Variants in UBE2L3 observed in about 807,000 individuals in gnomAD.
UBE2L3 encodes the protein ubiquitin conjugating enzyme E2 L3.
UBE2L3 carries 1 observed loss-of-function variant against 17.8 expected under a neutral mutation model. The observed-to-expected ratio is 0.06, with a 90% CI of 0.02 to 0.27. The LOEUF (loss-of-function observed/expected upper bound fraction) is 0.27, where lower values mean the gene tolerates loss of function less well. Ranked by LOEUF, UBE2L3 falls within the 10% of genes least tolerant of loss-of-function variation. The probability of loss-of-function intolerance (pLI) is 1.00; values close to 1 mark genes in which losing one functional copy is unlikely to be tolerated. For synonymous variants in UBE2L3, 44 were observed against 68.5 expected (o/e 0.64, Z 1.76); for missense variants, 40 against 192.6 (o/e 0.21, Z 4.69).
At chr22:21,605,530 A>G (rs980166068) in intron 2 of UBE2L3, among the ~76,000 whole-genome samples, 3 of 150,460 alleles carry the variant, frequency 2.0e-5, no homozygotes, top group African/African-American at 7.4e-5. Context: ...TTTGAGATGG[A>G]TTTTCACTTT....
intron 1 of UBE2L3, among the ~76,000 whole-genome samples, chr22:21,576,619 A>G (rs928802918): frequency 2.0e-5 from 3 of 151,436 alleles, no homozygotes; most frequent in African/African-American, 7.3e-5. Context: ...TATTTTTAGT[A>G]GAGCTGGGGT....
intron 2 of UBE2L3, among the ~76,000 whole-genome samples, chr22:21,608,195 A>G (rs114363119): frequency 0.014 from 2,133 of 152,296 alleles, 43 homozygotes; most frequent in African/African-American, 0.049. Flanking sequence ...TGGGAATGCA[A>G]AATGGTGCAG....
chr22:21,595,623 A>G (rs1206890026), intron 2 of UBE2L3, among the ~76,000 whole-genome samples: 5 of 152,216 alleles, frequency 3.3e-5, no homozygotes, highest in African/African-American at 1.2e-4. Context: ...CATTGTTGCC[A>G]ACGCAACTCT....
chr22:21,563,416 G>A (rs1926519214), upstream of UBE2L3, among the ~76,000 whole-genome samples: 1 of 144,306 alleles, frequency 6.9e-6, no homozygotes, highest in Non-Finnish European at 1.5e-5. Context: ...AAAAAAATTA[G>A]CCAGGCGTGG....
chr22:21,594,136 TC>T (rs1257302314), intron 2 of UBE2L3, among the ~76,000 whole-genome samples: 6 of 152,232 alleles, frequency 3.9e-5, no homozygotes, highest in African/African-American at 1.4e-4. Flanking sequence ...CCTTCTCTGT[TC>T]CTTTTCATTC....
chr22:21,594,499 G>T lies in UBE2L3; in HGVS notation c.123+1543G>T, dbSNP rs373783545. 7.9e-5 allele frequency among the ~76,000 whole-genome samples: 12 copies of T among 152,076 alleles called. No homozygotes were observed. In the East Asian group the frequency reaches 1.5e-3, roughly 20 times the overall value. ...TGTAGATGCTTTCTTCTTGATGCTGGTTATAAGGTCATGCTTTTTTTTTTT... is the reference window on the plus strand; with the variant it reads ...TGTAGATGCTTTCTTCTTGATGCTGTTTATAAGGTCATGCTTTTTTTTTTT... On this transcript the variant is annotated intron_variant, in intron 2 of 3. Coordinates refer to ENST00000342192, the MANE Select transcript of UBE2L3 (RefSeq NM_003347.4).
intron 1 of UBE2L3, among the ~76,000 whole-genome samples, chr22:21,592,124 C>T (rs1928296848): frequency 6.6e-6 from 1 of 152,214 alleles, no homozygotes; most frequent in African/African-American, 2.4e-5. Flanking sequence ...GCACTTGCTG[C>T]ATTGACTGTT....
upstream of UBE2L3, among the ~76,000 whole-genome samples, chr22:21,563,376 C>T (rs933686716): frequency 8.7e-5 from 13 of 148,576 alleles, no homozygotes; most frequent in African/African-American, 3.2e-4. Flanking sequence ...ACAGTGAAAC[C>T]CCATCTCTAC....
intron 3 of UBE2L3, among the ~76,000 whole-genome samples, chr22:21,618,192 A>T (rs373625854): frequency 2.8e-5 from 4 of 144,388 alleles, no homozygotes; most frequent in Admixed American, 2.1e-4. Context: ...ATTAAAAAAA[A>T]AATTCAGACT....
chr22:21,552,666 GC>G lies in UBE2L3; in HGVS notation c.201+3018del. 7.3e-5 allele frequency among the ~76,000 whole-genome samples: 3 copies of G among 41,214 alleles called. No individual in the cohort carries two copies. The South Asian group carries it at 2.2e-3, about 30-fold the overall frequency. The allele number at this position is 41,214 out of a possible 152,430, so 27.0% of individuals were successfully genotyped here. A position where few individuals can be genotyped will look rare whatever the true frequency, so the allele number is the denominator to read the frequency against. On this transcript the variant is annotated intron_variant, in intron 1 of 3. Transcript: ENST00000458578. ...AGTTTCCCCGGAACCCACAGAACATGCCTTTAGGCAGTGTCAAGTAACAAGA... is the reference window on the plus strand; with the variant it reads ...AGTTTCCCCGGAACCCACAGAACATGCTTTAGGCAGTGTCAAGTAACAAGA...
upstream of UBE2L3, among the ~76,000 whole-genome samples, chr22:21,567,001 A>G (rs962797905): frequency 6.6e-6 from 1 of 152,122 alleles, no homozygotes; most frequent in Non-Finnish European, 1.5e-5. Context: ...GGATGGTTTC[A>G]AGGGTTAAAG....
rs139723991 is a variant in UBE2L3, at chr22:21,593,189, T to C, written c.123+233T>C. 4.5e-4 allele frequency among the ~76,000 whole-genome samples: 69 copies of C among 152,118 alleles called. 1 individual carries two copies. The highest frequency in any genetic ancestry group is 1.5e-4 in the Non-Finnish European group (10 of 68,030). ...CAGGGAGTCCTGAGCTTTGCAGATC[T>C]GTAGACACAGAGAAAAGGAGTGTGT... is the stretch of plus-strand genomic sequence containing the variant. On this transcript the variant is annotated intron_variant, in intron 2 of 3. Transcript: ENST00000342192.
chr22:21,600,987 T>C (rs949189534), intron 2 of UBE2L3, among the ~76,000 whole-genome samples: 12 of 151,964 alleles, frequency 7.9e-5, no homozygotes, highest in African/African-American at 2.7e-4. Flanking sequence ...CTGGCCAACA[T>C]GATGAAACCC....
intron 1 of UBE2L3, chr22:21,568,468 C>T (rs2148397592): frequency 1.0e-6 from 1 of 981,248 alleles, no homozygotes; most frequent in Non-Finnish European, 1.2e-6. Flanking sequence ...CCGATCTCCC[C>T]TCCCTGATAA....
intron 3 of UBE2L3, among the ~76,000 whole-genome samples, chr22:21,616,759 T>A (rs1451615548): frequency 6.6e-6 from 1 of 151,850 alleles, no homozygotes; most frequent in African/African-American, 2.4e-5. Context: ...CCCCTTTTTT[T>A]AAAGCACATT....
chr22:21,592,188 CT>C (rs2148421978), intron 1 of UBE2L3, among the ~76,000 whole-genome samples: 1 of 152,244 alleles, frequency 6.6e-6, no homozygotes, highest in African/African-American at 2.4e-5. Context: ...CACAACATGG[CT>C]TCCCTTTCCT....
At chr22:21,564,447 A>G (rs1926562741), upstream of UBE2L3, among the ~76,000 whole-genome samples, 1 of 152,102 alleles carries the variant, frequency 6.6e-6, no homozygotes, top group African/African-American at 2.4e-5. Context: ...AGAGGGAGCA[A>G]TGAAGGTTTT....
chr22:21,606,044 CT>C (rs1339358491), intron 2 of UBE2L3, among the ~76,000 whole-genome samples: 1 of 152,232 alleles, frequency 6.6e-6, no homozygotes, highest in Non-Finnish European at 1.5e-5. Flanking sequence ...ATCATAAACT[CT>C]GGGTACAGGC....
chr22:21,560,490 A>T (rs1926395533), intron 1 of UBE2L3, among the ~76,000 whole-genome samples: 1 of 126,880 alleles, frequency 7.9e-6, no homozygotes, highest in Non-Finnish European at 1.5e-5. Flanking sequence ...TCGTTCTATC[A>T]TCCAGGCTGG....
Sources: allele counts gnomAD v4.1 joint callset (sites outside exome capture counted in the v4.1 genomes callset), GRCh38; gene constraint gnomAD v4.1.1; transcripts MANE v1.5; gene names NCBI Gene and HGNC (gene_info 2026-07-23, HGNC 2026-07-21).